Variants in ST3GAL2 observed in about 807,000 individuals in gnomAD.
ST3GAL2 encodes the protein CMP-N-acetylneuraminate-beta-galactosamide-alpha-2,3-sialyltransferase 2.
Under a neutral mutation model 37.5 loss-of-function variants are expected in ST3GAL2, and 16 were observed. The observed-to-expected ratio is 0.43, with a 90% CI of 0.29 to 0.65. The LOEUF is 0.65. Among genes scored for constraint, ST3GAL2 ranks in the 30% least tolerant of loss-of-function variants. The pLI is 0.17. For synonymous variants in ST3GAL2, 238 were observed against 202.9 expected, an observed-to-expected ratio of 1.17 and a Z score of -1.47; for missense variants, 383 against 487.8, an observed-to-expected ratio of 0.79 and a Z score of 2.02.
At chr16:70,394,932 C>T in intron 3 of ST3GAL2, 50 bp downstream of exon 3, 2 of 1,586,184 alleles carry the variant, frequency 1.3e-6, no homozygotes, top group South Asian at 2.3e-5. Flanking sequence ...GGGCAGTCCC[C>T]TTCCCGGAGG....
chr16:70,394,848 A>G (rs1241977549), intron 3 of ST3GAL2, 134 bp downstream of exon 3: 1 of 990,040 alleles, frequency 1.0e-6, no homozygotes, highest in Non-Finnish European at 1.5e-6. Flanking sequence ...GCCTGCTGTG[A>G]AAGACTCTGG....
intron 1 of ST3GAL2, among the ~76,000 whole-genome samples, chr16:70,413,453 C>T (rs889548018): frequency 8.0e-5 from 12 of 149,144 alleles, no homozygotes; most frequent in South Asian, 2.1e-4. Context: ...CGGTGGCTCG[C>T]GCCTATAATC....
At chr16:70,421,892 A>G (rs1344890345) in intron 1 of ST3GAL2, among the ~76,000 whole-genome samples, 1 of 152,100 alleles carries the variant, frequency 6.6e-6, no homozygotes, top group African/African-American at 2.4e-5. Context: ...TCCCCACCCC[A>G]TATGTGGTTA....
chr16:70,379,374 T>C lies in ST3GAL2; in HGVS notation c.*2315A>G, dbSNP rs533727957. 6.6e-6 allele frequency: 1 copy of C among 152,260 alleles called. No individual in the cohort carries two copies. The highest frequency in any genetic ancestry group is 2.4e-5 in the African/African-American group (1 of 41,532). 9.4% of individuals were successfully genotyped at this position (152,260 alleles called of 1,614,324 possible). On this transcript the variant is annotated 3_prime_UTR_variant, in exon 7 of 7. Transcript: ENST00000342907. Reference sequence around the variant, plus strand: ...GTCCAGGAATGAGGTGCCTCCTGTATAGGTGGGGGAGGGTATCTGGGAGTC... The same window carrying C: ...GTCCAGGAATGAGGTGCCTCCTGTACAGGTGGGGGAGGGTATCTGGGAGTC...
At position 70,376,559 on chromosome 16, in the gene ST3GAL2, G is replaced by C. The variant is rs775854898; in HGVS notation, c.*5130C>G. The C allele has an allele frequency of 3.3e-5, 5 of 152,192 alleles. No homozygotes were observed. The highest frequency in any genetic ancestry group is 5.9e-5 in the Non-Finnish European group (4 of 68,026). The allele number at this position is 152,192 out of a possible 1,614,324, so 9.4% of individuals were successfully genotyped here. On this transcript the variant is annotated 3_prime_UTR_variant, in exon 7 of 7. Transcript: ENST00000342907. ...TTGGTTGTTACCCAGGCATAGACTT[G>C]CTGCAGGAGCTGTGATTTTTTTCAC...
At chr16:70,395,885 T>A (rs968859314) in intron 2 of ST3GAL2, among the ~76,000 whole-genome samples, 1 of 151,982 alleles carries the variant, frequency 6.6e-6, no homozygotes. Context: ...CCACGTGGGA[T>A]CATGAGCCCA....
intron 1 of ST3GAL2, among the ~76,000 whole-genome samples, chr16:70,424,980 C>T (rs777576374): frequency 6.6e-6 from 1 of 152,140 alleles, no homozygotes; most frequent in Non-Finnish European, 1.5e-5. Context: ...ATTGGCCAAG[C>T]CTGGGTTACA....
chr16:70,415,409 A>G (rs2047669635), intron 1 of ST3GAL2, among the ~76,000 whole-genome samples: 1 of 152,238 alleles, frequency 6.6e-6, no homozygotes, highest in African/African-American at 2.4e-5. Context: ...CAAGAAACGG[A>G]TAAACCTAAG....
chr16:70,399,481 C>G lies in ST3GAL2; in HGVS notation c.-951G>C, dbSNP rs1332695443. ...TATCCTGCTGTGAGCTCACAGTAAT[C>G]CCCTGGCAGGTTCCCCTTCACATGT... On this transcript the variant is annotated 5_prime_UTR_variant, in exon 2 of 7. Coordinates refer to ENST00000342907, the MANE Select transcript of ST3GAL2 (RefSeq NM_006927.4). 4 of 398,580 alleles carry G rather than the reference C, an allele frequency of 1.0e-5. No individual in the cohort carries two copies. Among genetic ancestry groups the G allele is most frequent in the African/African-American group, 8.2e-5 (4 of 48,642 alleles). 24.7% of individuals were successfully genotyped at this position (398,580 alleles called of 1,614,324 possible). A position where few individuals can be genotyped will look rare whatever the true frequency, so the allele number is the denominator to read the frequency against.
intron 2 of ST3GAL2, among the ~76,000 whole-genome samples, chr16:70,396,985 G>A (rs1017097335): frequency 7.0e-6 from 1 of 142,236 alleles, no homozygotes; most frequent in Non-Finnish European, 1.5e-5. Context: ...TCTAGAATCA[G>A]ACAACACATT....
chr16:70,429,203 A>G (rs920858734), intron 1 of ST3GAL2, among the ~76,000 whole-genome samples: 2 of 152,200 alleles, frequency 1.3e-5, no homozygotes, highest in Non-Finnish European at 2.9e-5. Flanking sequence ...TCCCACAGAC[A>G]TCTGGCCCTT....
Position 70,377,993 on chromosome 16 carries a change from A to C in ST3GAL2, c.*3696T>G, listed in dbSNP as rs986620083. On this transcript the variant is annotated 3_prime_UTR_variant, in exon 7 of 7. Coordinates refer to ENST00000342907, the MANE Select transcript of ST3GAL2 (RefSeq NM_006927.4). ...ATGGGAAAGGAATGAAAAAGGTATC[A>C]ACTCACATGGGCAAATAAATGGAAA... The C allele has an allele frequency of 1.1e-4, 16 of 152,328 alleles. No homozygotes were observed. The highest frequency in any genetic ancestry group is 3.8e-4 in the African/African-American group (16 of 41,574). 9.4% of individuals were successfully genotyped at this position (152,328 alleles called of 1,614,324 possible). A position where few individuals can be genotyped will look rare whatever the true frequency, so the allele number is the denominator to read the frequency against.
intron 1 of ST3GAL2, among the ~76,000 whole-genome samples, chr16:70,405,031 C>CA (rs370157293): frequency 0.025 from 1,736 of 69,508 alleles, 28 homozygotes; most frequent in African/African-American, 0.069. Flanking sequence ...GACTCCATCT[C>CA]AAAAAAAAAA....
At chr16:70,434,941 G>A (rs1486646075) in intron 1 of ST3GAL2, among the ~76,000 whole-genome samples, 1 of 152,192 alleles carries the variant, frequency 6.6e-6, no homozygotes, top group African/African-American at 2.4e-5. Context: ...CACAATGTAA[G>A]TGATGCCTCC....
rs1009695074 is a variant in ST3GAL2 at position 70,434,920 on chromosome 16, G to C, written c.-1004+4029C>G. Among the ~76,000 whole-genome samples the C allele has an allele frequency of 6.6e-5, 10 of 152,162 alleles. No homozygotes were observed. In the South Asian group the frequency reaches 2.1e-3, roughly 31 times the overall value. Reference sequence around the variant, plus strand: ...ACCTGTAAAACAACAGTTGGAAAATGCTTTGCAAAGCACAATGTAAGTGAT... The same window carrying C: ...ACCTGTAAAACAACAGTTGGAAAATCCTTTGCAAAGCACAATGTAAGTGAT... On this transcript the variant is annotated intron_variant, in intron 1 of 6. Coordinates refer to ENST00000342907, the MANE Select transcript of ST3GAL2 (RefSeq NM_006927.4).
chr16:70,399,385 C>T lies in ST3GAL2; in HGVS notation c.-855G>A. The T allele has an allele frequency of 2.5e-6, 1 of 398,788 alleles. No individual in the cohort carries two copies. Among genetic ancestry groups the T allele is most frequent in the East Asian group, 3.6e-5 (1 of 28,082 alleles). The allele number at this position is 398,788 out of a possible 1,614,324, so 24.7% of individuals were successfully genotyped here. A position where few individuals can be genotyped will look rare whatever the true frequency, so the allele number is the denominator to read the frequency against. On this transcript the variant is annotated 5_prime_UTR_variant, in exon 2 of 7. Coordinates refer to ENST00000342907, the MANE Select transcript of ST3GAL2 (RefSeq NM_006927.4). The stretch of plus-strand genomic sequence containing the variant: ...AGGCGAGCTTGTGCTGAGCTCCCTA[C>T]CAGGGTCCAGGTCTCCTTCCTAATA...
chr16:70,386,938 C>A (rs1160925179), intron 4 of ST3GAL2, among the ~76,000 whole-genome samples: 1 of 152,192 alleles, frequency 6.6e-6, no homozygotes, highest in Admixed American at 6.5e-5. Context: ...GCCGCAGTGC[C>A]CGGCCATGAA....
intron 1 of ST3GAL2, among the ~76,000 whole-genome samples, chr16:70,408,344 A>G (rs1304130753): frequency 2.6e-5 from 4 of 151,932 alleles, no homozygotes; most frequent in African/African-American, 9.7e-5. Context: ...AGCAACCCAG[A>G]ACACTCCCTG....
intron 1 of ST3GAL2, among the ~76,000 whole-genome samples, chr16:70,436,660 G>C (rs1227089774): frequency 6.6e-6 from 1 of 151,782 alleles, no homozygotes; most frequent in East Asian, 1.9e-4. Context: ...CTCTCCAGGA[G>C]ACTATGACTC....
Sources: gnomAD v4.1 joint callset for allele counts (sites outside exome capture counted in the v4.1 genomes callset) on GRCh38, gnomAD v4.1.1 for gene constraint, MANE v1.5 for transcripts, NCBI Gene and HGNC (gene_info 2026-07-23, HGNC 2026-07-21) for gene names.